Variants in RBPJ observed in about 807,000 individuals in gnomAD.
The protein encoded by RBPJ is recombining binding protein suppressor of hairless.
RBPJ carries 9 observed loss-of-function variants against 67.8 expected under a neutral mutation model. That is an observed-to-expected ratio of 0.13 (90% CI 0.08 to 0.23). The LOEUF (loss-of-function observed/expected upper bound fraction) is 0.23, where lower values mean the gene tolerates loss of function less well. Ranked by LOEUF, RBPJ falls within the 10% of genes least tolerant of loss-of-function variation. RBPJ has a pLI of 1.00. For missense variants in RBPJ, 305 were observed against 595.6 expected, an observed-to-expected ratio of 0.51 and a Z score of 5.08; for synonymous variants, 198 against 203.3, an observed-to-expected ratio of 0.97 and a Z score of 0.22.
At chr4:26,108,911 C>T in the RBPJ span, among the ~76,000 whole-genome samples, 3 of 152,058 alleles carry the variant, frequency 2.0e-5, no homozygotes, top group Non-Finnish European at 4.4e-5. Flanking sequence ...TATCTACCTC[C>T]TGGGGCTCTT....
In RBPJ at chr4:26,305,771, C is replaced by CTTTTTTTTTTTTTTTTTT. The variant is rs71276617; in HGVS notation, c.-166-56669_-166-56652dup. 2.4e-4 allele frequency among the ~76,000 whole-genome samples: 16 copies of CTTTTTTTTTTTTTTTTTT among 67,756 alleles called. 1 individual carries two copies. Among genetic ancestry groups the CTTTTTTTTTTTTTTTTTT allele is most frequent in the East Asian group, 1.2e-3 (2 of 1,646 alleles). 44.5% of individuals were successfully genotyped at this position (67,756 alleles called of 152,430 possible). A position where few individuals can be genotyped will look rare whatever the true frequency, so the allele number is the denominator to read the frequency against. On this transcript the variant is annotated intron_variant, in intron 1 of 4. Transcript: ENST00000512351. Reference sequence around the variant, plus strand: ...AGTGGAGTTCTTAGAATTTTCTTTTCTTTTTTTTTTTTTTTTTTTTTTTCT... The same window carrying CTTTTTTTTTTTTTTTTTT: ...AGTGGAGTTCTTAGAATTTTCTTTTCTTTTTTTTTTTTTTTTTTTTTTTTTTTTTTTTTTTTTTTTTCT...
At chr4:26,360,004 A>T (rs1321430753) in intron 1 of RBPJ, among the ~76,000 whole-genome samples, 2 of 152,218 alleles carry the variant, frequency 1.3e-5, no homozygotes, top group Non-Finnish European at 2.9e-5. Context: ...GTCATCAAAA[A>T]AGTGGGCCTT....
At chr4:26,194,310 C>T (rs1717675053) in intron 1 of RBPJ, among the ~76,000 whole-genome samples, 2 of 152,196 alleles carry the variant, frequency 1.3e-5, no homozygotes, top group African/African-American at 4.8e-5. Context: ...AAGAAACACT[C>T]CCAAAGGCTC....
At chr4:26,368,775 TTTG>T (rs1248098425) in intron 1 of RBPJ, among the ~76,000 whole-genome samples, 24 of 152,364 alleles carry the variant, frequency 1.6e-4, no homozygotes, top group African/African-American at 5.5e-4. Context: ...AATAAACTCC[TTTG>T]TTGTTGAATT....
chr4:26,142,302 A>G, the RBPJ span, among the ~76,000 whole-genome samples: 2 of 152,210 alleles, frequency 1.3e-5, no homozygotes, highest in East Asian at 1.9e-4. Flanking sequence ...AAAGACACAC[A>G]TAGCCCAGGA....
At chr4:26,363,878 C>T (rs538009042) in intron 1 of RBPJ, among the ~76,000 whole-genome samples, 25 of 152,210 alleles carry the variant, frequency 1.6e-4, no homozygotes, top group African/African-American at 5.3e-4. Flanking sequence ...CTTCGTAATA[C>T]CTACTTAATC....
intron 1 of RBPJ, among the ~76,000 whole-genome samples, chr4:26,228,009 C>T (rs1382648818): frequency 6.6e-6 from 1 of 152,226 alleles, no homozygotes; most frequent in African/African-American, 2.4e-5. Flanking sequence ...TCTAGGGCCC[C>T]TCAGGGACAG....
chr4:26,158,945 T>TCTCTCTCTCTCTC (rs1716025420), upstream of RBPJ, among the ~76,000 whole-genome samples: 18 of 136,730 alleles, frequency 1.3e-4, no homozygotes, highest in South Asian at 2.4e-4. Flanking sequence ...CTCTCTCTCT[T>TCTCTCTCTCTCTC]TCTCTCTCTC....
At chr4:26,369,383 T>A (rs573320935) in intron 1 of RBPJ, among the ~76,000 whole-genome samples, 2 of 152,348 alleles carry the variant, frequency 1.3e-5, no homozygotes, top group African/African-American at 2.4e-5. Context: ...ACCAAATGAT[T>A]TACCCAGTCT....
chr4:26,154,322 C>A, the RBPJ span, among the ~76,000 whole-genome samples: 1 of 152,168 alleles, frequency 6.6e-6, no homozygotes, highest in Non-Finnish European at 1.5e-5. Context: ...ATGATGGTTA[C>A]CTCACTGGGT....
intron 1 of RBPJ, among the ~76,000 whole-genome samples, chr4:26,268,651 T>A (rs1055259819): frequency 2.0e-5 from 3 of 152,060 alleles, no homozygotes; most frequent in African/African-American, 7.3e-5. Flanking sequence ...GTCAAACAGC[T>A]GGAAGCAAAC....
intron 1 of RBPJ, among the ~76,000 whole-genome samples, chr4:26,176,497 A>G (rs967118507): frequency 2.0e-5 from 3 of 152,204 alleles, no homozygotes; most frequent in African/African-American, 7.2e-5. Flanking sequence ...AATGTAGCTA[A>G]TCACTCAGTA....
chr4:26,271,432 T>C (rs1410025001), intron 1 of RBPJ, among the ~76,000 whole-genome samples: 1 of 151,952 alleles, frequency 6.6e-6, no homozygotes, highest in African/African-American at 2.4e-5. Context: ...GAGAGATTGA[T>C]TTGGGGGAAA....
At chr4:26,405,897 T>G (rs1345868717) in intron 2 of RBPJ, among the ~76,000 whole-genome samples, 2 of 152,214 alleles carry the variant, frequency 1.3e-5, no homozygotes, top group Non-Finnish European at 2.9e-5. Flanking sequence ...GAAGGTGTAA[T>G]TGTGGTTTGA....
chr4:26,148,752 CTGAT>C, the RBPJ span, among the ~76,000 whole-genome samples: 20 of 152,178 alleles, frequency 1.3e-4, no homozygotes, highest in Admixed American at 3.3e-4. Flanking sequence ...ACACCTTTCT[CTGAT>C]TGAAGACCTA....
intron 1 of RBPJ, among the ~76,000 whole-genome samples, chr4:26,268,092 A>G (rs1173132865): frequency 6.6e-6 from 1 of 152,158 alleles, no homozygotes. Flanking sequence ...ATTTCCTAAC[A>G]ATTAGTCGTG....
At chr4:26,170,158 C>G (rs1716514096) in intron 1 of RBPJ, among the ~76,000 whole-genome samples, 1 of 152,162 alleles carries the variant, frequency 6.6e-6, no homozygotes, top group Non-Finnish European at 1.5e-5. Context: ...AATCACCCGT[C>G]TTCTGCGTCG....
chr4:26,304,732 C>T (rs7680738), intron 1 of RBPJ, among the ~76,000 whole-genome samples: 17,604 of 150,122 alleles, frequency 0.12, 1,291 homozygotes, highest in East Asian at 0.35. Context: ...TATATATTCT[C>T]GATACTAGAC....
chr4:26,419,295 A>G (rs538583614), intron 4 of RBPJ, among the ~76,000 whole-genome samples: 2 of 152,254 alleles, frequency 1.3e-5, no homozygotes, highest in Admixed American at 6.5e-5. Flanking sequence ...ATTTATTACT[A>G]TGATTGGCTT....
Sources: allele counts gnomAD v4.1 joint callset (sites outside exome capture counted in the v4.1 genomes callset), GRCh38; gene constraint gnomAD v4.1.1; transcripts MANE v1.5; gene names NCBI Gene and HGNC (gene_info 2026-07-23, HGNC 2026-07-21).